The following PLEKHM3 variants were observed in gnomAD, a reference collection of about 807,000 sequenced individuals.
The protein encoded by PLEKHM3 is pleckstrin homology domain-containing family M member 3.
PLEKHM3 carries 45 observed loss-of-function variants against 81.8 expected under a neutral mutation model. The observed-to-expected ratio is 0.55, with a 90% CI of 0.43 to 0.71. The LOEUF (loss-of-function observed/expected upper bound fraction) is 0.71. Ranked by LOEUF, PLEKHM3 falls within the 30% of genes least tolerant of loss-of-function variation. The pLI is 0.00. For missense variants in PLEKHM3, 788 were observed against 924.3 expected (o/e 0.85, Z 1.91); for synonymous variants, 352 against 356.4 (o/e 0.99, Z 0.14).
At chr2:208,024,142 CAAAATAAAATAAAATAAAAT>C (rs57377948) in intron 1 of PLEKHM3, among the ~76,000 whole-genome samples, 7 of 137,716 alleles carry the variant, frequency 5.1e-5, no homozygotes, top group African/African-American at 2.0e-4. Flanking sequence ...GACCCTGTCT[CAAAATAAAATAAAATAAAAT>C]AAAATAAAAT....
intron 2 of PLEKHM3, among the ~76,000 whole-genome samples, chr2:207,996,795 A>C (rs1692135537): frequency 1.3e-5 from 2 of 152,190 alleles, no homozygotes; most frequent in East Asian, 1.9e-4. Context: ...ACAAAAAAAA[A>C]CTTGAAATGC....
chr2:207,974,677 A>G (rs1201194249), intron 3 of PLEKHM3, among the ~76,000 whole-genome samples: 1 of 152,210 alleles, frequency 6.6e-6, no homozygotes, highest in Admixed American at 6.5e-5. Context: ...AAATATATGT[A>G]CTAGTATAAG....
intron 7 of PLEKHM3, among the ~76,000 whole-genome samples, chr2:207,849,109 G>A (rs1051681676): frequency 7.2e-5 from 11 of 152,110 alleles, no homozygotes; most frequent in Middle Eastern, 3.2e-3. Context: ...CGAGGCGGGC[G>A]GATCACTGGA....
chr2:207,994,396 A>C (rs371504572), intron 2 of PLEKHM3, among the ~76,000 whole-genome samples: 12 of 152,354 alleles, frequency 7.9e-5, no homozygotes, highest in African/African-American at 2.6e-4. Context: ...ACAAGAACAG[A>C]TGACAGTGAT....
chr2:208,005,493 A>C (rs974665514), intron 1 of PLEKHM3, among the ~76,000 whole-genome samples: 4 of 152,092 alleles, frequency 2.6e-5, no homozygotes, highest in Non-Finnish European at 5.9e-5. Flanking sequence ...GACATGTCTG[A>C]TGTTTTTCTC....
rs183654606 is a variant in PLEKHM3 at position 207,843,868 on chromosome 2, T to C, written c.2109-15372A>G. On this transcript the variant is annotated intron_variant, in intron 7 of 7. Coordinates refer to ENST00000427836, the MANE Select transcript of PLEKHM3 (RefSeq NM_001080475.3). This position sits in a 1 kb window ranked among gnomAD's most constrained non-coding sequence, Gnocchi z 4.4. The stretch of plus-strand genomic sequence containing the variant: ...AATTTGGGAGGCCAGGGCAGGAGGA[T>C]TGCTTGAGCCCAGGAGCTGGAGACC... 7.9e-5 allele frequency among the ~76,000 whole-genome samples: 12 copies of C among 152,176 alleles called. No homozygotes were observed. Among genetic ancestry groups the C allele is most frequent in the African/African-American group, 1.9e-4 (8 of 41,508 alleles).
intron 3 of PLEKHM3, among the ~76,000 whole-genome samples, chr2:207,959,305 C>G (rs1213664471): frequency 1.3e-5 from 2 of 152,158 alleles, no homozygotes; most frequent in African/African-American, 4.8e-5. Context: ...TATTAAACCA[C>G]TACTAACTCT....
At chr2:208,013,995 C>A (rs1692789771) in intron 1 of PLEKHM3, among the ~76,000 whole-genome samples, 1 of 152,102 alleles carries the variant, frequency 6.6e-6, no homozygotes. Flanking sequence ...AACTGGCATC[C>A]CGAGAGTATG....
At chr2:208,000,906 G>C in intron 2 of PLEKHM3, 124 bp downstream of exon 2, 1 of 930,840 alleles carries the variant, frequency 1.1e-6, no homozygotes, top group Admixed American at 3.2e-5. Context: ...CAGATTAAGA[G>C]AGACAAAGGA....
At position 207,836,344 on chromosome 2, in the gene PLEKHM3, G is replaced by A. The variant is rs531333388; in HGVS notation, c.2109-7848C>T. 2.7e-5 allele frequency among the ~76,000 whole-genome samples: 4 copies of A among 148,348 alleles called. No individual in the cohort carries two copies. In the East Asian group the frequency reaches 5.9e-4, roughly 22 times the overall value. ...AAAAAAAAAAAAAAAAAAGCACCAT[G>A]GAATGAGACTATATATTTTATGAAC... On this transcript the variant is annotated intron_variant, in intron 7 of 7. Coordinates refer to ENST00000427836, the MANE Select transcript of PLEKHM3 (RefSeq NM_001080475.3).
chr2:207,974,779 G>A (rs1225599058), intron 3 of PLEKHM3, among the ~76,000 whole-genome samples: 1 of 151,632 alleles, frequency 6.6e-6, no homozygotes, highest in Non-Finnish European at 1.5e-5. Context: ...GTATCTGGGT[G>A]ACTTAACACA....
Position 207,964,346 on chromosome 2 carries a change from C to T in PLEKHM3, c.1546+12305G>A, listed in dbSNP as rs116442928. Among the ~76,000 whole-genome samples, 1,353 of 152,320 alleles carry T rather than the reference C, an allele frequency of 8.9e-3. 20 individuals carry two copies. The highest frequency in any genetic ancestry group is 0.031 in the African/African-American group (1,288 of 41,556). On this transcript the variant is annotated intron_variant, in intron 3 of 7. Transcript: ENST00000427836. ...CAGGTCTGGGGAAGGGTCCAGTCAT[C>T]CCTACCCAAATCATACTCATGATTC...
rs1007003532 is a variant in PLEKHM3, at chr2:207,857,671, T to C, written c.2108+3434A>G. Among the ~76,000 whole-genome samples, 9 of 152,188 alleles carry C rather than the reference T, an allele frequency of 5.9e-5. No homozygotes were observed. In the East Asian group the frequency reaches 1.3e-3, roughly 23 times the overall value. ...TATAACATTGTTTATAATACTCTTTTATAATTCTTTTAATTTCTGTACCTC... is the reference window on the plus strand; with the variant it reads ...TATAACATTGTTTATAATACTCTTTCATAATTCTTTTAATTTCTGTACCTC... On this transcript the variant is annotated intron_variant, in intron 7 of 7. Transcript: ENST00000427836.
At chr2:207,841,368 G>A (rs2092350654) in intron 7 of PLEKHM3, among the ~76,000 whole-genome samples, 1 of 145,980 alleles carries the variant, frequency 6.9e-6, no homozygotes, top group Admixed American at 7.0e-5. Flanking sequence ...GGGAGGCTGA[G>A]GCGCGATAAT....
At chr2:207,925,147 G>GT (rs541574567) in intron 5 of PLEKHM3, among the ~76,000 whole-genome samples, 187 of 97,240 alleles carry the variant, frequency 1.9e-3, no homozygotes, top group East Asian at 6.5e-3. Flanking sequence ...TTTGTTTTTT[G>GT]TTTTTTTTTT....
At position 207,821,745 on chromosome 2, in the gene PLEKHM3, T is replaced by C. The variant is rs998684210; in HGVS notation, c.*6574A>G. ...TCTCTCCTTTAAAAAAAAAAGTATA[T>C]ATATATATTTTTCAAAGAGATGAGG... On this transcript the variant is annotated 3_prime_UTR_variant, in exon 8 of 8. Transcript: ENST00000427836. 4 of 151,918 alleles carry C rather than the reference T, an allele frequency of 2.6e-5. No individual in the cohort carries two copies. The highest frequency in any genetic ancestry group is 9.7e-5 in the African/African-American group (4 of 41,378). 9.4% of individuals were successfully genotyped at this position (151,918 alleles called of 1,614,324 possible).
intron 1 of PLEKHM3, among the ~76,000 whole-genome samples, chr2:208,017,168 T>C (rs1227364145): frequency 6.6e-6 from 1 of 152,174 alleles, no homozygotes; most frequent in Non-Finnish European, 1.5e-5. Flanking sequence ...CTGATGTGGA[T>C]CCCACAGATG....
intron 3 of PLEKHM3, among the ~76,000 whole-genome samples, chr2:207,962,472 T>A (rs893755492): frequency 2.0e-5 from 3 of 152,242 alleles, no homozygotes; most frequent in African/African-American, 4.8e-5. Flanking sequence ...TTATCGTTTA[T>A]AATAAAACTG....
chr2:207,996,116 C>T (rs1692112309), intron 2 of PLEKHM3, among the ~76,000 whole-genome samples: 1 of 152,182 alleles, frequency 6.6e-6, no homozygotes, highest in South Asian at 2.1e-4. Context: ...AAATAGCTCT[C>T]CAAGACCAGA....
Sources: gnomAD v4.1 joint callset for allele counts (sites outside exome capture counted in the v4.1 genomes callset) on GRCh38, gnomAD v4.1.1 for gene constraint, Gnocchi (gnomAD v3.1) non-coding constraint, MANE v1.5 for transcripts, NCBI Gene and HGNC (gene_info 2026-07-23, HGNC 2026-07-21) for gene names.